The following TMEM272 variants were observed in gnomAD, a reference collection of about 807,000 sequenced individuals.
The protein encoded by TMEM272 is long intergenic non-protein coding RNA 282.
A neutral mutation model predicts 3.7 loss-of-function variants in TMEM272; 8 were observed. That is an observed-to-expected ratio of 2.17 (90% CI 1.27 to 3.91). The LOEUF is 3.91. Ranked by LOEUF, TMEM272 falls within the 30% of genes most tolerant of loss-of-function variation. TMEM272 has a pLI of 0.00. For synonymous variants in TMEM272, 63 were observed against 39.8 expected, an observed-to-expected ratio of 1.58 and a Z score of -2.20; for missense variants, 166 against 91.5, an observed-to-expected ratio of 1.81 and a Z score of -3.32.
the TMEM272 span, among the ~76,000 whole-genome samples, chr13:51,914,432 C>A: frequency 2.4e-4 from 36 of 152,380 alleles, no homozygotes; most frequent in African/African-American, 8.4e-4. Context: ...TTCTCCTGCT[C>A]ACCTTGCAGG....
chr13:51,816,945 A>T lies in TMEM272; in HGVS notation c.370T>A (p.Tyr124Asn), dbSNP rs1360878912. 3 of 703,000 alleles carry T rather than the reference A, an allele frequency of 4.3e-6. No homozygotes were observed. Among genetic ancestry groups the T allele is most frequent in the Non-Finnish European group, 7.8e-6 (3 of 385,034 alleles). 43.5% of individuals were successfully genotyped at this position (703,000 alleles called of 1,614,324 possible). Residue 124 changes from tyrosine to asparagine, a missense_variant, in exon 5 of 5, where the codon TAC becomes AAC. Transcript: ENST00000629372. ...GGCAGGTACACAGAAAAGACCCAGT[A>T]GTTTCCCAGGATGAACCAGAGGAAG... ...FLFLWFILGN[Y>N]WVFSVYLPDF...
chr13:51,830,808 G>A (rs963058858), intron 2 of TMEM272, among the ~76,000 whole-genome samples: 14 of 152,068 alleles, frequency 9.2e-5, no homozygotes, highest in African/African-American at 3.1e-4. Flanking sequence ...TTACTCCCTG[G>A]CCCTGTTCTC....
At chr13:51,925,537 C>T in the TMEM272 span, among the ~76,000 whole-genome samples, 1 of 152,098 alleles carries the variant, frequency 6.6e-6, no homozygotes, top group Non-Finnish European at 1.5e-5. Context: ...CACACCCCTA[C>T]ACACAAAACA....
intron 2 of TMEM272, among the ~76,000 whole-genome samples, chr13:51,832,621 C>CT (rs1253536790): frequency 6.6e-6 from 1 of 152,126 alleles, no homozygotes; most frequent in Non-Finnish European, 1.5e-5. Flanking sequence ...CACTTCTGCC[C>CT]TCTCCTGGTA....
chr13:51,846,308 CCTT>C (rs1956304622), upstream of TMEM272, among the ~76,000 whole-genome samples: 1 of 152,170 alleles, frequency 6.6e-6, no homozygotes, highest in South Asian at 2.1e-4. Context: ...GATGGTGGTT[CCTT>C]AAGATTATAA....
At chr13:51,824,723 C>A (rs921939612) in intron 3 of TMEM272, among the ~76,000 whole-genome samples, 3 of 152,122 alleles carry the variant, frequency 2.0e-5, no homozygotes, top group African/African-American at 7.2e-5. Context: ...GAGGCCGAGG[C>A]GGGCAGATCA....
chr13:51,841,123 T>A (rs1485476115), intron 1 of TMEM272, among the ~76,000 whole-genome samples: 1 of 151,872 alleles, frequency 6.6e-6, no homozygotes, highest in Non-Finnish European at 1.5e-5. Context: ...CTGGATCCAG[T>A]GATAAGCCCA....
upstream of TMEM272, among the ~76,000 whole-genome samples, chr13:51,847,452 C>A (rs1956312734): frequency 6.6e-6 from 1 of 152,198 alleles, no homozygotes; most frequent in African/African-American, 2.4e-5. Context: ...CCCATCCCCA[C>A]CCTCATGAAA....
chr13:51,885,515 A>C, the TMEM272 span, among the ~76,000 whole-genome samples: 2 of 152,234 alleles, frequency 1.3e-5, no homozygotes, highest in Non-Finnish European at 2.9e-5. Context: ...CCCATGATTC[A>C]ATTACCTACC....
the TMEM272 span, among the ~76,000 whole-genome samples, chr13:51,918,551 G>A: frequency 6.6e-6 from 1 of 152,134 alleles, no homozygotes; most frequent in Non-Finnish European, 1.5e-5. Flanking sequence ...GGTATATGGG[G>A]ATTCACTCTT....
the TMEM272 span, among the ~76,000 whole-genome samples, chr13:51,895,195 C>A: frequency 6.6e-6 from 1 of 152,116 alleles, no homozygotes; most frequent in South Asian, 2.1e-4. Flanking sequence ...AGCCCAGGGG[C>A]TGGGGACCCC....
At chr13:51,900,575 G>A in the TMEM272 span, among the ~76,000 whole-genome samples, 3,369 of 152,262 alleles carry the variant, frequency 0.022, 51 homozygotes, top group South Asian at 0.042. Context: ...TAAAGATACA[G>A]TTACCATAAT....
the TMEM272 span, chr13:51,865,959 A>C: frequency 6.2e-7 from 1 of 1,614,066 alleles, no homozygotes; most frequent in Non-Finnish European, 8.5e-7. Flanking sequence ...CTCTGGGAGG[A>C]AGAGAGGGCC....
the TMEM272 span, among the ~76,000 whole-genome samples, chr13:51,924,412 T>G: frequency 1.3e-5 from 2 of 151,904 alleles, no homozygotes; most frequent in Non-Finnish European, 2.9e-5. Context: ...AACAAAAACC[T>G]CTTTTCCTCT....
the TMEM272 span, among the ~76,000 whole-genome samples, chr13:51,870,806 G>A: frequency 6.6e-6 from 1 of 152,172 alleles, no homozygotes; most frequent in Non-Finnish European, 1.5e-5. Flanking sequence ...GGGATAGATG[G>A]AGCCAAGGAC....
the TMEM272 span, among the ~76,000 whole-genome samples, chr13:51,885,648 TA>T: frequency 6.6e-6 from 1 of 152,216 alleles, no homozygotes; most frequent in African/African-American, 2.4e-5. Flanking sequence ...CAGTTGCCAA[TA>T]CATTACAGTA....
chr13:51,861,589 G>C, the TMEM272 span, among the ~76,000 whole-genome samples: 1 of 152,012 alleles, frequency 6.6e-6, no homozygotes, highest in Non-Finnish European at 1.5e-5. Context: ...AAAAATGAAC[G>C]TAACTTTAGA....
intron 2 of TMEM272, among the ~76,000 whole-genome samples, chr13:51,831,546 T>C (rs1286388654): frequency 6.6e-6 from 1 of 152,220 alleles, no homozygotes; most frequent in Non-Finnish European, 1.5e-5. Context: ...GGGGTTGGGC[T>C]AGGTTGTAGG....
chr13:51,847,866 G>A (rs531837861), upstream of TMEM272, among the ~76,000 whole-genome samples: 1 of 152,264 alleles, frequency 6.6e-6, no homozygotes, highest in South Asian at 2.1e-4. Flanking sequence ...CAGGAAGGGA[G>A]AAAACAATGG....
Sources: gnomAD v4.1 joint callset for allele counts (sites outside exome capture counted in the v4.1 genomes callset) on GRCh38, gnomAD v4.1.1 for gene constraint, MANE v1.5 for transcripts, NCBI Gene and HGNC (gene_info 2026-07-23, HGNC 2026-07-21) for gene names.